STT3B: variants seen among roughly 807,000 people sequenced by gnomAD.
STT3B encodes the protein dolichyl-diphosphooligosaccharide--protein glycosyltransferase subunit STT3B.
A neutral mutation model predicts 96.8 loss-of-function variants in STT3B; 29 were observed. The observed-to-expected ratio is 0.30, with a 90% CI of 0.22 to 0.41. The LOEUF is 0.41. Ranked by LOEUF, STT3B falls within the 10% of genes least tolerant of loss-of-function variation. The probability of loss-of-function intolerance (pLI) is 1.00; values close to 1 mark genes in which losing one functional copy is unlikely to be tolerated. For missense variants in STT3B, 640 were observed against 1,022.3 expected, an observed-to-expected ratio of 0.63 and a Z score of 5.10; for synonymous variants, 367 against 360.0, an observed-to-expected ratio of 1.02 and a Z score of -0.22.
intron 5 of STT3B, among the ~76,000 whole-genome samples, chr3:31,613,779 A>C (rs1010540022): frequency 1.3e-5 from 2 of 151,828 alleles, no homozygotes; most frequent in African/African-American, 4.8e-5. Flanking sequence ...GTGACGGGGA[A>C]ATTTTTGTTT....
chr3:31,624,764 C>CT (rs3214835), intron 11 of STT3B, 150 bp from the exon 12 acceptor site: 4,735 of 479,960 alleles, frequency 9.9e-3, no homozygotes, highest in South Asian at 0.014. Context: ...CATTGTTTCA[C>CT]TTTTTTTTTT....
intron 2 of STT3B, 98 bp from the exon 3 acceptor site, chr3:31,579,711 A>T: frequency 1.0e-6 from 1 of 968,438 alleles, no homozygotes. Context: ...TTTCAAACTT[A>T]TGTAAGGTAA....
chr3:31,622,347 C>A, intron 10 of STT3B, 39 bp downstream of exon 10: 1 of 1,536,200 alleles, frequency 6.5e-7, no homozygotes, highest in Non-Finnish European at 9.0e-7. Flanking sequence ...TTGTCTATGT[C>A]CTTTCTTAAT....
At chr3:31,596,215 A>C (rs1207065404) in intron 3 of STT3B, among the ~76,000 whole-genome samples, 1 of 152,198 alleles carries the variant, frequency 6.6e-6, no homozygotes, top group Non-Finnish European at 1.5e-5. Flanking sequence ...TTATTGTAAT[A>C]GATTATAGCA....
chr3:31,606,422 T>C (rs1460642385), intron 5 of STT3B, among the ~76,000 whole-genome samples: 1 of 152,214 alleles, frequency 6.6e-6, no homozygotes, highest in Non-Finnish European at 1.5e-5. Context: ...CCCTCCCTGC[T>C]GAGTTTTGCC....
intron 3 of STT3B, among the ~76,000 whole-genome samples, chr3:31,581,500 A>G (rs1041868466): frequency 7.9e-5 from 12 of 152,264 alleles, no homozygotes; most frequent in African/African-American, 2.9e-4. Flanking sequence ...GTGAACTACC[A>G]TTTGCATTTT....
chr3:31,634,887 TCTTA>T (rs918669896), intron 15 of STT3B, among the ~76,000 whole-genome samples: 2 of 152,210 alleles, frequency 1.3e-5, no homozygotes, highest in African/African-American at 4.8e-5. Flanking sequence ...CTCTGAAGTT[TCTTA>T]CTTTGTGCCT....
chr3:31,623,259 A>G (rs1016666722), intron 10 of STT3B, among the ~76,000 whole-genome samples: 6 of 152,310 alleles, frequency 3.9e-5, no homozygotes, highest in Admixed American at 1.3e-4. Context: ...GTTTTTTCCT[A>G]TACTAAAGTG....
chr3:31,625,945 A>T lies in STT3B; in HGVS notation c.1900-9A>T, dbSNP rs1171457203. 4 of 1,559,754 alleles carry T rather than the reference A, an allele frequency of 2.6e-6. No homozygotes were observed. Among genetic ancestry groups the T allele is most frequent in the Admixed American group, 2.1e-5 (1 of 48,216 alleles). On this transcript the variant is annotated splice_polypyrimidine_tract_variant and intron_variant, in intron 12 of 15. Coordinates refer to ENST00000295770, the MANE Select transcript of STT3B (RefSeq NM_178862.3). The stretch of plus-strand genomic sequence containing the variant: ...CAAAAACATTCTCATTTTTTTTTAA[A>T]TTCTGCAGGTGGGAAAAGCTATGTC...
chr3:31,622,252 G>C lies in STT3B; in HGVS notation c.1483G>C (p.Val495Leu). Residue 495 changes from valine to leucine, a missense_variant, in exon 10 of 16, where the codon GTG becomes CTG. Transcript: ENST00000295770. ...TGACATGAAAAGGGAAAATCCACCT[G>C]TGGAGGACAGCAGTGATGAGGATGA... ...GDDMKRENPP[V>L]EDSSDEDDKR... The C allele has an allele frequency of 6.2e-7, 1 of 1,614,148 alleles. No individual in the cohort carries two copies. The highest frequency in any genetic ancestry group is 1.1e-5 in the South Asian group (1 of 91,086).
chr3:31,596,550 T>C (rs534683568), intron 3 of STT3B, among the ~76,000 whole-genome samples: 1 of 152,308 alleles, frequency 6.6e-6, no homozygotes, highest in African/African-American at 2.4e-5. Context: ...TAATTTGTTA[T>C]TTAAAAGATG....
chr3:31,587,307 C>T (rs1698563646), intron 3 of STT3B, among the ~76,000 whole-genome samples: 1 of 152,042 alleles, frequency 6.6e-6, no homozygotes, highest in Non-Finnish European at 1.5e-5. Context: ...ATTTTCACAT[C>T]CCCCCAGCCC....
chr3:31,605,228 C>T (rs966904575), intron 5 of STT3B, among the ~76,000 whole-genome samples: 2 of 151,752 alleles, frequency 1.3e-5, no homozygotes, highest in African/African-American at 2.4e-5. Flanking sequence ...TGAAAATAAA[C>T]TTTCACTCAA....
Position 31,633,127 on chromosome 3 carries a change from C to G in STT3B, c.2380C>G (p.Gln794Glu), listed in dbSNP as rs1699695048. Residue 794 changes from glutamine (Q) to glutamate (E), a missense_variant, in exon 15 of 16, where the codon CAG (glutamine) becomes GAG (glutamate). Transcript: ENST00000295770. ...KPRVTNIFPK[Q>E]KYLSKKTTKR... ...TCGAGTCACCAACATTTTCCCAAAA[C>G]AGAAGTATTTGTCAAAGAAGGTGGG... 6.2e-7 allele frequency: 1 copy of G among 1,613,686 alleles called. No homozygotes were observed. Among genetic ancestry groups the G allele is most frequent in the African/African-American group, 1.3e-5 (1 of 74,894 alleles).
At chr3:31,632,669 GTTTT>G (rs58688269) in intron 14 of STT3B, among the ~76,000 whole-genome samples, 5 of 144,574 alleles carry the variant, frequency 3.5e-5, no homozygotes, top group Admixed American at 1.4e-4. Context: ...GTTTTGGTGG[GTTTT>G]TTTTTTTTTT....
chr3:31,590,763 C>T (rs1698647040), intron 3 of STT3B, among the ~76,000 whole-genome samples: 1 of 151,976 alleles, frequency 6.6e-6, no homozygotes, highest in Non-Finnish European at 1.5e-5. Flanking sequence ...ACAGCCCTGG[C>T]CATTCATAAA....
At chr3:31,600,906 G>C (rs766082245) in intron 5 of STT3B, among the ~76,000 whole-genome samples, 27 of 151,930 alleles carry the variant, frequency 1.8e-4, no homozygotes, top group Non-Finnish European at 3.4e-4. Flanking sequence ...TTTCTCTACA[G>C]GTTTTAAAAC....
intron 1 of STT3B, among the ~76,000 whole-genome samples, chr3:31,547,379 C>T (rs917590447): frequency 5.3e-5 from 8 of 152,088 alleles, no homozygotes; most frequent in South Asian, 4.1e-4. Context: ...CATTGCAGGT[C>T]GGGTGCGGTG....
Position 31,575,915 on chromosome 3 carries a change from C to CTCTT in STT3B, c.315-479_315-478insTTTC, listed in dbSNP as rs370606446. 1.2e-3 allele frequency among the ~76,000 whole-genome samples: 186 copies of CTCTT among 152,010 alleles called. 2 individuals carry two copies. Among genetic ancestry groups the CTCTT allele is most frequent in the Middle Eastern group, 6.8e-3 (2 of 294 alleles). On this transcript the variant is annotated intron_variant, in intron 1 of 15. Transcript: ENST00000295770. ...TTCAATTTCATTTTTTCTCATTTGTCTCAGAAATTATAATTTCTTTTTCTA... is the reference window on the plus strand; with the variant it reads ...TTCAATTTCATTTTTTCTCATTTGTCTCTTTCAGAAATTATAATTTCTTTTTCTA...
Sources: allele counts gnomAD v4.1 joint callset (sites outside exome capture counted in the v4.1 genomes callset), GRCh38; gene constraint gnomAD v4.1.1; transcripts MANE v1.5; gene names NCBI Gene and HGNC (gene_info 2026-07-23, HGNC 2026-07-21).